SUN1: variants seen among roughly 807,000 people sequenced by gnomAD.
SUN1 encodes the protein SUN domain-containing protein 1.
Under a neutral mutation model 103.2 loss-of-function variants are expected in SUN1, and 61 were observed. The ratio of observed to expected loss-of-function variants is 0.59; its 90% CI spans 0.48 to 0.73. SUN1 has a LOEUF of 0.73. SUN1 is among the 30% of genes least tolerant of loss of function. The probability of loss-of-function intolerance (pLI) is 0.00; values close to 1 mark genes in which losing one functional copy is unlikely to be tolerated. For synonymous variants in SUN1, 490 were observed against 425.7 expected, an observed-to-expected ratio of 1.15 and a Z score of -1.86; for missense variants, 1,052 against 1,034.6, an observed-to-expected ratio of 1.02 and a Z score of -0.23.
upstream of SUN1, among the ~76,000 whole-genome samples, chr7:830,615 G>A (rs1217204242): frequency 1.3e-5 from 2 of 152,174 alleles, no homozygotes; most frequent in Admixed American, 1.3e-4. Flanking sequence ...TGAACCTGGA[G>A]TGTGACCTCT....
rs550440233 is a variant in SUN1, at chr7:835,849, G to A, written c.78-2949G>A. ...TCGGAACCAACGTGCTGCTGCCCAT[G>A]CTCAGATCCAGGGGGGCTGGAGACA... On this transcript the variant is annotated intron_variant, in intron 1 of 18. Transcript: ENST00000401592. Among the ~76,000 whole-genome samples the A allele has an allele frequency of 3.3e-5, 5 of 152,374 alleles. No homozygotes were observed. The South Asian group carries it at 1.0e-3, about 32-fold the overall frequency.
In SUN1 at chr7:874,878, TAAAG is replaced by T. The variant is rs770402775; in HGVS notation, c.*1549_*1552del. ...ATAAGATGCTATTAAGAGGTTTAAA[TAAAG>T]AGTTTTAATTTTTAAAAGGGCATGG... is the stretch of plus-strand genomic sequence containing the variant. On this transcript the variant is annotated 3_prime_UTR_variant, in exon 19 of 19. Transcript: ENST00000401592. 9.2e-5 allele frequency: 14 copies of T among 152,350 alleles called. No homozygotes were observed. The highest frequency in any genetic ancestry group is 2.1e-4 in the South Asian group (1 of 4,822). 9.4% of individuals were successfully genotyped at this position (152,350 alleles called of 1,614,324 possible).
At chr7:845,958 G>A (rs923977416) in intron 5 of SUN1, among the ~76,000 whole-genome samples, 1 of 152,046 alleles carries the variant, frequency 6.6e-6, no homozygotes, top group Non-Finnish European at 1.5e-5. Context: ...TGGCTGTCCC[G>A]GGGTTCTCCT....
Position 873,002 on chromosome 7 carries a change from G to A in SUN1, c.2242-213G>A, listed in dbSNP as rs548669505. 2.6e-5 allele frequency among the ~76,000 whole-genome samples: 4 copies of A among 152,320 alleles called. No individual in the cohort carries two copies. In the South Asian group the frequency reaches 8.3e-4, roughly 32 times the overall value. ...CTCAGGAGGCTGAGGCAGGAGAATC[G>A]CTTGAGCCCGGGAGGTGGAGCTTGC... On this transcript the variant is annotated intron_variant, in intron 18 of 18. Transcript: ENST00000401592.
At chr7:871,749 A>G (rs1470860424) in intron 17 of SUN1, among the ~76,000 whole-genome samples, 1 of 152,314 alleles carries the variant, frequency 6.6e-6, no homozygotes, top group East Asian at 1.9e-4. Flanking sequence ...ACTCGCTGGA[A>G]CTTCTTCCAT....
intron 1 of SUN1, among the ~76,000 whole-genome samples, chr7:819,948 T>C (rs4721479): frequency 0.4 from 60,358 of 151,964 alleles, 12,492 homozygotes; most frequent in African/African-American, 0.52. Flanking sequence ...CCTCATGATC[T>C]GCCCACCTCG....
chr7:842,001 T>G lies in SUN1; in HGVS notation c.322T>G (p.Ser108Ala). The change falls in exon 3 of 19, where the codon TCA becomes GCA. Residue 108 changes from serine (S) to alanine (A), a missense_variant. Ser to Ala is a moderately conservative substitution (Grantham distance 99). Coordinates refer to ENST00000401592, the MANE Select transcript of SUN1 (RefSeq NM_001130965.3). ...ATCAGCTTTTAGTATCAACCACGTG[T>G]CAAGGCAGGTCACGTCCTCTGGCGT... ...NKSAFSINHV[S>A]RQVTSSGVSH... 1 of 1,614,182 alleles carries G rather than the reference T, an allele frequency of 6.2e-7. No homozygotes were observed. Among genetic ancestry groups the G allele is most frequent in the Non-Finnish European group, 8.5e-7 (1 of 1,180,036 alleles).
chr7:852,997 G>T (rs1206350946), intron 9 of SUN1, 45 bp downstream of exon 9: 4 of 1,580,674 alleles, frequency 2.5e-6, no homozygotes, highest in East Asian at 2.2e-5. Flanking sequence ...CACATGTGAG[G>T]TCTTCAGGGA....
At chr7:837,765 T>C (rs1657848553) in intron 1 of SUN1, among the ~76,000 whole-genome samples, 1 of 152,256 alleles carries the variant, frequency 6.6e-6, no homozygotes, top group South Asian at 2.1e-4. Context: ...CACTGGACAC[T>C]GGTGTCCTCC....
chr7:840,040 T>G (rs1351892539), intron 2 of SUN1, among the ~76,000 whole-genome samples: 1 of 152,216 alleles, frequency 6.6e-6, no homozygotes, highest in African/African-American at 2.4e-5. Flanking sequence ...ATAATAAAAG[T>G]GACAGCTTTA....
At chr7:869,162 G>T in intron 16 of SUN1, 187 bp from the exon 17 acceptor site, 1 of 689,862 alleles carries the variant, frequency 1.4e-6, no homozygotes, top group Non-Finnish European at 2.5e-6. Context: ...ATATGGGTTG[G>T]AGATAGTGGC....
At chr7:861,244 A>C (rs536808750) in intron 14 of SUN1, 136 bp from the exon 15 acceptor site, 17 of 824,592 alleles carry the variant, frequency 2.1e-5, no homozygotes, top group Admixed American at 9.1e-5. Flanking sequence ...GACTTCTGCC[A>C]TGCCTAGGAA....
Position 842,207 on chromosome 7 carries a change from G to T in SUN1, c.451+77G>T, listed in dbSNP as rs531401094. ...AGATTATGCTGGGGAGAGGGGAGGC[G>T]GTGGCCAGGTTGTCGGTTTGCATGG... On this transcript the variant is annotated intron_variant, in intron 3 of 18. Transcript: ENST00000401592. 1.9e-5 allele frequency: 29 copies of T among 1,514,130 alleles called. No homozygotes were observed. In the Admixed American group the frequency reaches 4.4e-4, roughly 23 times the overall value. 93.8% of individuals were successfully genotyped at this position (1,514,130 alleles called of 1,614,324 possible). A position where few individuals can be genotyped will look rare whatever the true frequency, so the allele number is the denominator to read the frequency against.
intron 2 of SUN1, among the ~76,000 whole-genome samples, chr7:840,185 C>T (rs1382053961): frequency 2.0e-5 from 3 of 152,240 alleles, no homozygotes; most frequent in African/African-American, 4.8e-5. Context: ...CACTCCCAGC[C>T]GGTGGCTTCC....
chr7:843,253 A>G, intron 4 of SUN1, 21 bp downstream of exon 4: 3 of 1,608,574 alleles, frequency 1.9e-6, no homozygotes, highest in Non-Finnish European at 1.7e-6. Flanking sequence ...TAGTCCTTTT[A>G]TCTTCATATA....
At chr7:864,238 C>A (rs1029905259) in intron 15 of SUN1, among the ~76,000 whole-genome samples, 5 of 152,026 alleles carry the variant, frequency 3.3e-5, no homozygotes, top group African/African-American at 1.2e-4. Flanking sequence ...AACAAAAATA[C>A]TCTAAGTTAT....
intron 1 of SUN1, among the ~76,000 whole-genome samples, chr7:826,329 G>T (rs910258308): frequency 6.6e-6 from 1 of 152,236 alleles, no homozygotes; most frequent in African/African-American, 2.4e-5. Flanking sequence ...AAGGATGAGC[G>T]AAGATGAGGA....
At chr7:837,440 AT>A (rs1031233840) in intron 1 of SUN1, among the ~76,000 whole-genome samples, 1 of 151,268 alleles carries the variant, frequency 6.6e-6, no homozygotes, top group South Asian at 2.1e-4. Context: ...ATTGGAGTCA[AT>A]TTTTTTCAAT....
chr7:823,486 C>A (rs967272404), intron 1 of SUN1, among the ~76,000 whole-genome samples: 9 of 152,074 alleles, frequency 5.9e-5, no homozygotes, highest in Non-Finnish European at 8.8e-5. Flanking sequence ...GGAGGACATT[C>A]ATTGCAAGGA....
Sources: allele counts gnomAD v4.1 joint callset (sites outside exome capture counted in the v4.1 genomes callset), GRCh38; gene constraint gnomAD v4.1.1; transcripts MANE v1.5; gene names NCBI Gene and HGNC (gene_info 2026-07-23, HGNC 2026-07-21).